TRPM3: variants seen among roughly 807,000 people sequenced by gnomAD.
TRPM3 encodes the protein transient receptor potential cation channel subfamily M member 3.
A neutral mutation model predicts 181.2 loss-of-function variants in TRPM3; 77 were observed. The ratio of observed to expected loss-of-function variants is 0.42; its 90% CI spans 0.35 to 0.51. The LOEUF (loss-of-function observed/expected upper bound fraction) is 0.51, where lower values mean the gene tolerates loss of function less well. Among genes scored for constraint, TRPM3 ranks in the 20% least tolerant of loss-of-function variants. The pLI is 0.01. For missense variants in TRPM3, 1,759 were observed against 2,196.7 expected (o/e 0.80, Z 3.98); for synonymous variants, 745 against 796.4 (o/e 0.94, Z 1.09).
intron 5 of TRPM3, among the ~76,000 whole-genome samples, chr9:70,841,981 A>G (rs1304086029): frequency 6.6e-6 from 1 of 151,926 alleles, no homozygotes; most frequent in Non-Finnish European, 1.5e-5. Context: ...GATGTTCACT[A>G]TTCAGGTGAT....
chr9:71,194,622 T>C (rs1050324567), intron 1 of TRPM3, among the ~76,000 whole-genome samples: 1 of 151,960 alleles, frequency 6.6e-6, no homozygotes, highest in East Asian at 1.9e-4. Context: ...TACTGAACTC[T>C]GACGCAAGTG....
intron 1 of TRPM3, among the ~76,000 whole-genome samples, chr9:71,394,003 G>A (rs1028938404): frequency 2.0e-5 from 3 of 150,968 alleles, no homozygotes; most frequent in Non-Finnish European, 4.4e-5. Flanking sequence ...AAAAAAAAAT[G>A]TGTATTGTGT....
At chr9:70,757,053 G>T (rs1188653200) in intron 8 of TRPM3, among the ~76,000 whole-genome samples, 2 of 152,072 alleles carry the variant, frequency 1.3e-5, no homozygotes, top group Non-Finnish European at 1.5e-5. Flanking sequence ...CCAGGAGGTG[G>T]TTTTTCTGAA....
chr9:70,891,100 A>G (rs1429793386), intron 1 of TRPM3, among the ~76,000 whole-genome samples: 2 of 152,212 alleles, frequency 1.3e-5, no homozygotes, highest in African/African-American at 4.8e-5. Flanking sequence ...CAGCACACCA[A>G]CATGGTACAT....
In TRPM3 at chr9:71,396,017, G is replaced by A. The variant is rs781609479; in HGVS notation, c.183+50636C>T. Among the ~76,000 whole-genome samples, 3 of 152,040 alleles carry A rather than the reference G, an allele frequency of 2.0e-5. No homozygotes were observed. The East Asian group carries it at 5.8e-4, about 29-fold the overall frequency. On this transcript the variant is annotated intron_variant, in intron 1 of 24. Coordinates refer to the TRPM3 transcript ENST00000357533. ...AAAAGCAAAAATGAGAATAAGAAAC[G>A]TTAATAAAAATGAGAGAACGGCTTT...
chr9:71,424,311 C>G (rs2093825964), intron 1 of TRPM3, among the ~76,000 whole-genome samples: 1 of 152,052 alleles, frequency 6.6e-6, no homozygotes, highest in African/African-American at 2.4e-5. Flanking sequence ...CTTTTTCTAC[C>G]AACTTTTAAA....
At chr9:71,395,312 A>T (rs1243476148) in intron 1 of TRPM3, among the ~76,000 whole-genome samples, 1 of 152,212 alleles carries the variant, frequency 6.6e-6, no homozygotes, top group Non-Finnish European at 1.5e-5. Flanking sequence ...ACAGCTTCAG[A>T]TATAAATGTT....
chr9:71,087,296 C>T, intron 1 of TRPM3, among the ~76,000 whole-genome samples: 1 of 151,994 alleles, frequency 6.6e-6, no homozygotes, highest in South Asian at 2.1e-4. Context: ...GTTTTACTCT[C>T]TTTATGCTTA....
chr9:71,037,689 G>A (rs1014260782), intron 1 of TRPM3, among the ~76,000 whole-genome samples: 5 of 152,158 alleles, frequency 3.3e-5, no homozygotes, highest in Middle Eastern at 3.2e-3. Context: ...GCAGAACATC[G>A]GCATGATGAA....
chr9:71,006,443 A>G (rs745946233), intron 1 of TRPM3, among the ~76,000 whole-genome samples: 1 of 152,186 alleles, frequency 6.6e-6, no homozygotes, highest in African/African-American at 2.4e-5. Context: ...ATGTTATCTA[A>G]GAAAAACTCA....
intron 1 of TRPM3, among the ~76,000 whole-genome samples, chr9:71,075,751 C>T (rs2063365127): frequency 6.6e-6 from 1 of 152,068 alleles, no homozygotes; most frequent in South Asian, 2.1e-4. Context: ...TTTCTTATTC[C>T]AATTTAGGGA....
intron 1 of TRPM3, among the ~76,000 whole-genome samples, chr9:71,275,845 C>CTT (rs11453930): frequency 1.1e-3 from 160 of 143,380 alleles, no homozygotes; most frequent in East Asian, 1.8e-3. Flanking sequence ...AAAGAAGGAA[C>CTT]TTTTTTTTTT....
At chr9:70,603,155 C>A (rs2060383742) in intron 20 of TRPM3, among the ~76,000 whole-genome samples, 187 bp downstream of exon 20, 3 of 152,172 alleles carry the variant, frequency 2.0e-5, no homozygotes, top group Admixed American at 2.0e-4. Context: ...GGGAGTTACA[C>A]CCCTATAAGC....
chr9:71,034,305 T>C (rs1198993386), intron 1 of TRPM3, among the ~76,000 whole-genome samples: 4 of 152,254 alleles, frequency 2.6e-5, no homozygotes, highest in East Asian at 1.9e-4. Context: ...GAGTTCACAT[T>C]TATTGATAAT....
chr9:71,231,223 A>T (rs2081028847), intron 1 of TRPM3, among the ~76,000 whole-genome samples: 1 of 152,180 alleles, frequency 6.6e-6, no homozygotes, highest in Non-Finnish European at 1.5e-5. Context: ...TGGGGAGATT[A>T]TGCTAGATTA....
At chr9:70,961,280 T>C (rs1263571051) in intron 1 of TRPM3, among the ~76,000 whole-genome samples, 3 of 130,890 alleles carry the variant, frequency 2.3e-5, no homozygotes, top group Non-Finnish European at 4.8e-5. Context: ...CCCTACAGTC[T>C]CCAGAAGACA....
chr9:70,949,301 C>T (rs2096970487), intron 1 of TRPM3, among the ~76,000 whole-genome samples: 1 of 151,338 alleles, frequency 6.6e-6, no homozygotes, highest in Admixed American at 6.6e-5. Context: ...AAGTGATCCT[C>T]CTACCTCAGC....
At chr9:71,060,556 G>T (rs555971700) in intron 1 of TRPM3, among the ~76,000 whole-genome samples, 30 of 152,146 alleles carry the variant, frequency 2.0e-4, no homozygotes, top group Non-Finnish European at 4.4e-4. Context: ...CTATTAAGGG[G>T]TAACCCTATG....
At chr9:71,208,502 A>G (rs961972907) in intron 1 of TRPM3, among the ~76,000 whole-genome samples, 48 of 152,204 alleles carry the variant, frequency 3.2e-4, no homozygotes, top group Non-Finnish European at 4.9e-4. Context: ...GGTATTCTTA[A>G]GAATAAACAG....
Sources: allele counts gnomAD v4.1 joint callset (sites outside exome capture counted in the v4.1 genomes callset), GRCh38; gene constraint gnomAD v4.1.1; transcripts MANE v1.5; gene names NCBI Gene and HGNC (gene_info 2026-07-23, HGNC 2026-07-21).